Variants in PTPRJ observed in about 807,000 individuals in gnomAD.
PTPRJ encodes the protein protein tyrosine phosphatase receptor type J, also known as receptor-type tyrosine-protein phosphatase eta.
PTPRJ carries 129 observed loss-of-function variants against 141.3 expected under a neutral mutation model. The observed-to-expected ratio is 0.91, with a 90% confidence interval of 0.79 to 1.06. The LOEUF is 1.06. Ranked by LOEUF, PTPRJ falls within the 50% of genes least tolerant of loss-of-function variation. The pLI is 0.00. For synonymous variants in PTPRJ, 610 were observed against 640.5 expected (o/e 0.95, Z 0.72); for missense variants, 1,601 against 1,679.7 (o/e 0.95, Z 0.82).
intron 1 of PTPRJ, among the ~76,000 whole-genome samples, chr11:47,994,787 G>A (rs1008461456): frequency 6.6e-6 from 1 of 152,236 alleles, no homozygotes; most frequent in African/African-American, 2.4e-5. Context: ...CTGTTGCTCA[G>A]TAGAAATTAT....
intron 1 of PTPRJ, among the ~76,000 whole-genome samples, chr11:48,102,600 C>T (rs375953796): frequency 8.6e-5 from 13 of 151,902 alleles, no homozygotes; most frequent in South Asian, 6.2e-4. Flanking sequence ...TCAGTAGAGA[C>T]GGGGTTTCAC....
intron 1 of PTPRJ, among the ~76,000 whole-genome samples, chr11:48,036,635 G>GT (rs1222748635): frequency 1.3e-5 from 2 of 152,146 alleles, no homozygotes; most frequent in Non-Finnish European, 2.9e-5. Context: ...TTTTGCTGTT[G>GT]TAAGTCATGT....
chr11:48,164,930 C>T (rs940142629), intron 24 of PTPRJ, among the ~76,000 whole-genome samples: 1 of 152,102 alleles, frequency 6.6e-6, no homozygotes, highest in African/African-American at 2.4e-5. Flanking sequence ...GTCACCCTTC[C>T]AGATCTTTCC....
At chr11:48,004,892 T>C (rs753889958) in intron 1 of PTPRJ, among the ~76,000 whole-genome samples, 1 of 152,226 alleles carries the variant, frequency 6.6e-6, no homozygotes, top group Non-Finnish European at 1.5e-5. Context: ...TGTTGAGATA[T>C]AATTTACATA....
chr11:48,140,937 G>A (rs1857217124), intron 11 of PTPRJ, among the ~76,000 whole-genome samples: 1 of 152,192 alleles, frequency 6.6e-6, no homozygotes, highest in Admixed American at 6.5e-5. Flanking sequence ...CAGGGGCTTG[G>A]CAGCCGCATG....
intron 1 of PTPRJ, among the ~76,000 whole-genome samples, chr11:48,107,435 C>T (rs1429063682): frequency 6.6e-6 from 1 of 152,088 alleles, no homozygotes; most frequent in Non-Finnish European, 1.5e-5. Context: ...TTGGGTGTTC[C>T]TGGGCACATC....
At chr11:48,126,080 G>A (rs181131283) in intron 6 of PTPRJ, among the ~76,000 whole-genome samples, 4 of 152,222 alleles carry the variant, frequency 2.6e-5, no homozygotes, top group Middle Eastern at 3.4e-3. Context: ...GTGGTGGGGT[G>A]TCCTGCACAT....
At position 48,046,744 on chromosome 11, in the gene PTPRJ, A is replaced by T. The variant is rs532839045; in HGVS notation, c.97-63314A>T. Among the ~76,000 whole-genome samples the T allele has an allele frequency of 6.6e-5, 10 of 151,706 alleles. No homozygotes were observed. The South Asian group carries it at 1.9e-3, about 28-fold the overall frequency. ...TGTGCTTCCCCCCTACCCTATGTGG[A>T]TTATTACAGTTTACTTGTGTGTAAA... On this transcript the variant is annotated intron_variant, in intron 1 of 24. Coordinates refer to ENST00000418331, the MANE Select transcript of PTPRJ (RefSeq NM_002843.4).
At position 48,008,871 on chromosome 11, in the gene PTPRJ, C is replaced by T. The variant is rs970018731; in HGVS notation, c.96+27863C>T. Among the ~76,000 whole-genome samples the T allele has an allele frequency of 5.3e-5, 8 of 152,136 alleles. No homozygotes were observed. The East Asian group carries it at 7.7e-4, about 15-fold the overall frequency. Reference sequence around the variant, plus strand: ...TGAGCCACCATGCCTGGCCACACCCCGGTTTATTGCATTTGCTTCTAATAG... The same window carrying T: ...TGAGCCACCATGCCTGGCCACACCCTGGTTTATTGCATTTGCTTCTAATAG... On this transcript the variant is annotated intron_variant, in intron 1 of 24. Transcript: ENST00000418331.
chr11:48,073,385 C>T (rs903339055), intron 1 of PTPRJ, among the ~76,000 whole-genome samples: 2 of 152,244 alleles, frequency 1.3e-5, no homozygotes, highest in African/African-American at 4.8e-5. Flanking sequence ...GCAGTCCAAA[C>T]TCCCACCCAT....
chr11:48,165,918 T>G (rs1001266730), intron 24 of PTPRJ, among the ~76,000 whole-genome samples: 12 of 151,918 alleles, frequency 7.9e-5, no homozygotes, highest in African/African-American at 2.9e-4. Context: ...TGGATTGCAG[T>G]GGTGCGATCT....
intron 23 of PTPRJ, 117 bp downstream of exon 23, chr11:48,163,735 G>A: frequency 8.0e-7 from 1 of 1,245,644 alleles, no homozygotes; most frequent in East Asian, 2.5e-5. Flanking sequence ...TTCAGGAAAG[G>A]TTTGGATAAG....
chr11:48,150,626 G>A (rs1345727465), intron 18 of PTPRJ, among the ~76,000 whole-genome samples: 1 of 152,212 alleles, frequency 6.6e-6, no homozygotes, highest in Non-Finnish European at 1.5e-5. Context: ...GAGCTGGAAA[G>A]AAACCAAATG....
intron 1 of PTPRJ, among the ~76,000 whole-genome samples, chr11:48,016,737 T>C (rs1486397835): frequency 6.6e-6 from 1 of 152,116 alleles, no homozygotes; most frequent in Non-Finnish European, 1.5e-5. Context: ...CATGTGCCTG[T>C]GTGCTGGGTT....
chr11:47,980,990 G>GCTT lies in PTPRJ; in HGVS notation c.80_81insTCT (p.Leu28dup). The GCTT allele has an allele frequency of 8.2e-7, 1 of 1,214,684 alleles. No homozygotes were observed. 75.2% of individuals were successfully genotyped at this position (1,214,684 alleles called of 1,614,324 possible). ...GCTGGGCGCTGCCGCTGCTGCTGCT[G>GCTT]CTGCTGCGCCTGGGCCAGGTAAGCG... On this transcript the variant is annotated inframe_insertion, in exon 1 of 25. Coordinates refer to ENST00000418331, the MANE Select transcript of PTPRJ (RefSeq NM_002843.4).
At chr11:48,051,176 A>G (rs771518385) in intron 1 of PTPRJ, among the ~76,000 whole-genome samples, 5 of 140,696 alleles carry the variant, frequency 3.6e-5, no homozygotes, top group Non-Finnish European at 6.0e-5. Context: ...GCTTACTGCA[A>G]CCTCTGCCTC....
intron 14 of PTPRJ, among the ~76,000 whole-genome samples, chr11:48,145,481 A>C (rs1205731437): frequency 1.3e-5 from 2 of 152,134 alleles, no homozygotes; most frequent in Non-Finnish European, 2.9e-5. Context: ...AAGCCACATA[A>C]ATTGTCTTGT....
At chr11:48,010,425 C>T (rs752047612) in intron 1 of PTPRJ, among the ~76,000 whole-genome samples, 24 of 149,150 alleles carry the variant, frequency 1.6e-4, no homozygotes, top group Non-Finnish European at 2.8e-4. Flanking sequence ...GTGATCCGCC[C>T]GTCTCAGCCT....
chr11:48,101,414 A>G (rs980785449), intron 1 of PTPRJ, among the ~76,000 whole-genome samples: 1 of 152,144 alleles, frequency 6.6e-6, no homozygotes, highest in Non-Finnish European at 1.5e-5. Context: ...GACCCAGGTG[A>G]CTGCAGATAG....
Sources: gnomAD v4.1 joint callset for allele counts (sites outside exome capture counted in the v4.1 genomes callset) on GRCh38, gnomAD v4.1.1 for gene constraint, MANE v1.5 for transcripts, NCBI Gene and HGNC (gene_info 2026-07-23, HGNC 2026-07-21) for gene names.